REDIC1: variants seen among roughly 807,000 people sequenced by gnomAD.
REDIC1 encodes HEI10 Interacting Protein 1.
At chr12:39,745,910 T>C in the REDIC1 span, 1 of 152,220 alleles carries the variant, frequency 6.6e-6, no homozygotes, top group African/African-American at 2.4e-5. Context: ...ATGCTTGAGA[T>C]GCATGGACCT....
the REDIC1 span, among the ~76,000 whole-genome samples, chr12:39,883,844 T>C: frequency 6.6e-6 from 1 of 152,150 alleles, no homozygotes; most frequent in Non-Finnish European, 1.5e-5. Flanking sequence ...GTCAGGAACA[T>C]GCAGGATGAA....
the REDIC1 span, among the ~76,000 whole-genome samples, chr12:39,781,462 T>C: frequency 6.6e-6 from 1 of 152,218 alleles, no homozygotes; most frequent in African/African-American, 2.4e-5. Flanking sequence ...CAGGGGCTAG[T>C]ACAGTGACAT....
the REDIC1 span, among the ~76,000 whole-genome samples, chr12:39,799,298 T>C: frequency 1.4e-5 from 2 of 147,160 alleles, no homozygotes; most frequent in Non-Finnish European, 3.0e-5. Flanking sequence ...TTAGTAGCAA[T>C]GGGGTTTCGC....
At chr12:39,881,792 G>T in the REDIC1 span, among the ~76,000 whole-genome samples, 1 of 152,144 alleles carries the variant, frequency 6.6e-6, no homozygotes, top group Non-Finnish European at 1.5e-5. Context: ...GGCAAGAAAT[G>T]ACTGTACTAT....
At chr12:39,766,423 C>T in the REDIC1 span, among the ~76,000 whole-genome samples, 1,387 of 152,102 alleles carry the variant, frequency 9.1e-3, 24 homozygotes, top group African/African-American at 0.032. Flanking sequence ...AAAATGCTAA[C>T]GATCATCTGC....
At chr12:39,852,364 A>G in the REDIC1 span, among the ~76,000 whole-genome samples, 1 of 152,224 alleles carries the variant, frequency 6.6e-6, no homozygotes, top group Non-Finnish European at 1.5e-5. Context: ...TAAAATCCAC[A>G]TGTACTTTCT....
the REDIC1 span, among the ~76,000 whole-genome samples, chr12:39,792,803 G>GA: frequency 0.92 from 137,672 of 149,484 alleles, 63,713 homozygotes; most frequent in Middle Eastern, 0.97. Flanking sequence ...TGTATTTAAT[G>GA]AAAAAAAAAA....
the REDIC1 span, among the ~76,000 whole-genome samples, chr12:39,845,217 C>T: frequency 6.6e-5 from 10 of 151,856 alleles, no homozygotes; most frequent in South Asian, 2.1e-3. Flanking sequence ...AGTGAGCACT[C>T]TATATTTTTT....
chr12:39,702,332 A>G, the REDIC1 span, among the ~76,000 whole-genome samples: 1 of 152,260 alleles, frequency 6.6e-6, no homozygotes, highest in Non-Finnish European at 1.5e-5. Context: ...TAGAAAATCT[A>G]GAAGAAATGG....
chr12:39,668,604 C>T, the REDIC1 span, among the ~76,000 whole-genome samples: 1 of 152,100 alleles, frequency 6.6e-6, no homozygotes, highest in African/African-American at 2.4e-5. Context: ...GTTGGCCTGC[C>T]TTGCTAGACT....
chr12:39,733,469 T>C, the REDIC1 span, among the ~76,000 whole-genome samples: 3 of 152,294 alleles, frequency 2.0e-5, no homozygotes, highest in African/African-American at 7.2e-5. Flanking sequence ...TCAAATTCTT[T>C]GTCTTTTTTA....
the REDIC1 span, among the ~76,000 whole-genome samples, chr12:39,771,956 T>TA: frequency 2.0e-5 from 3 of 152,184 alleles, no homozygotes; most frequent in African/African-American, 7.2e-5. Flanking sequence ...GGCAAACTCT[T>TA]ACTCTTGATA....
At chr12:39,751,156 C>T in the REDIC1 span, among the ~76,000 whole-genome samples, 3 of 152,232 alleles carry the variant, frequency 2.0e-5, no homozygotes, top group South Asian at 6.2e-4. Context: ...TTTTTGCAAT[C>T]TACTCATCTG....
At chr12:39,876,632 T>A in the REDIC1 span, among the ~76,000 whole-genome samples, 2 of 152,112 alleles carry the variant, frequency 1.3e-5, no homozygotes, top group Non-Finnish European at 2.9e-5. Context: ...CTTAGTGACA[T>A]AGACACTATG....
the REDIC1 span, among the ~76,000 whole-genome samples, chr12:39,896,448 A>ATG: frequency 8.5e-6 from 1 of 117,234 alleles, no homozygotes; most frequent in Non-Finnish European, 1.8e-5. Flanking sequence ...ATATATGTAT[A>ATG]TGTGTGTATA....
the REDIC1 span, among the ~76,000 whole-genome samples, chr12:39,896,188 A>G: frequency 6.7e-6 from 1 of 148,242 alleles, no homozygotes; most frequent in African/African-American, 2.5e-5. Context: ...GTATATATGT[A>G]TATATGTGTA....
chr12:39,681,610 A>G, the REDIC1 span, among the ~76,000 whole-genome samples: 2 of 152,286 alleles, frequency 1.3e-5, no homozygotes, highest in South Asian at 2.1e-4. Context: ...GTCTTTTGGT[A>G]TAGCAAAATA....
chr12:39,861,086 T>C, the REDIC1 span, among the ~76,000 whole-genome samples: 3 of 152,218 alleles, frequency 2.0e-5, no homozygotes, highest in Admixed American at 6.5e-5. Flanking sequence ...CCACGTTCCT[T>C]ACTGCCTTGC....
the REDIC1 span, among the ~76,000 whole-genome samples, chr12:39,905,488 C>T: frequency 6.6e-6 from 1 of 152,132 alleles, no homozygotes; most frequent in Non-Finnish European, 1.5e-5. Context: ...AGAGTTGCTT[C>T]ATTTTGTGGC....
Sources: allele counts gnomAD v4.1 joint callset (sites outside exome capture counted in the v4.1 genomes callset), GRCh38; gene constraint gnomAD v4.1.1; transcripts MANE v1.5; gene names NCBI Gene and HGNC (gene_info 2026-07-23, HGNC 2026-07-21).